The following UGT3A1 variants were observed in gnomAD, a reference collection of about 807,000 sequenced individuals.
UGT3A1 encodes UDP-glycosyltransferase 3A1.
A neutral mutation model predicts 37.6 loss-of-function variants in UGT3A1; 40 were observed. The observed-to-expected ratio is 1.06, with a 90% CI of 0.83 to 1.38. The LOEUF is 1.38. Ranked by LOEUF, UGT3A1 falls within the 40% of genes most tolerant of loss-of-function variation. The pLI is 0.00. For synonymous variants in UGT3A1, 256 were observed against 232.3 expected (o/e 1.10, Z -0.93); for missense variants, 642 against 634.2 (o/e 1.01, Z -0.13).
chr5:35,996,042 G>T (rs1299109995), upstream of UGT3A1, among the ~76,000 whole-genome samples: 2 of 147,472 alleles, frequency 1.4e-5, no homozygotes, highest in Admixed American at 6.7e-5. Context: ...AAAAAAAGGA[G>T]AAATAGAAGA....
At position 35,957,999 on chromosome 5, in the gene UGT3A1, C is replaced by T. The variant is rs115561533; in HGVS notation, c.844-580G>A. Among the ~76,000 whole-genome samples the T allele has an allele frequency of 1.0e-2, 1,521 of 152,268 alleles. 32 individuals are homozygous for T. Among genetic ancestry groups the T allele is most frequent in the African/African-American group, 0.035 (1,450 of 41,540 alleles). On this transcript the variant is annotated intron_variant, in intron 4 of 6. Transcript: ENST00000274278. ...TCCCAAGCTATTGCTGTAGTAATGT[C>T]TATTTCATCCTCAATTCCATCAATT...
intron 2 of UGT3A1, among the ~76,000 whole-genome samples, chr5:35,985,896 A>AAACAGTC (rs1348185358): frequency 6.6e-6 from 1 of 152,190 alleles, no homozygotes; most frequent in African/African-American, 2.4e-5. Flanking sequence ...ACAGCAAAGG[A>AAACAGTC]AACAGTCAAC....
intron 2 of UGT3A1, among the ~76,000 whole-genome samples, chr5:35,980,193 A>G (rs1194915963): frequency 6.6e-6 from 1 of 152,236 alleles, no homozygotes; most frequent in Non-Finnish European, 1.5e-5. Flanking sequence ...AGGAAGTTCA[A>G]TCTGTGGCCA....
At chr5:35,980,514 C>T (rs1021142588) in intron 2 of UGT3A1, among the ~76,000 whole-genome samples, 4 of 152,196 alleles carry the variant, frequency 2.6e-5, no homozygotes, top group African/African-American at 9.7e-5. Flanking sequence ...CAGAGAACAG[C>T]TCAGTACATA....
chr5:35,990,822 C>A, intron 1 of UGT3A1: 2 of 778,638 alleles, frequency 2.6e-6, no homozygotes, highest in South Asian at 4.8e-5. Flanking sequence ...AGTCCCACTG[C>A]GCTCTAGAGA....
At chr5:35,992,342 A>C (rs1334094194), upstream of UGT3A1, among the ~76,000 whole-genome samples, 1 of 152,174 alleles carries the variant, frequency 6.6e-6, no homozygotes, top group Admixed American at 6.5e-5. Flanking sequence ...AGACAGATGC[A>C]CAAACATACA....
chr5:35,997,904 A>AT (rs1456208644), intron 1 of UGT3A1, among the ~76,000 whole-genome samples: 3 of 152,226 alleles, frequency 2.0e-5, no homozygotes, highest in Non-Finnish European at 4.4e-5. Flanking sequence ...AGACTTAAGT[A>AT]TTAGGGGCAT....
intron 4 of UGT3A1, among the ~76,000 whole-genome samples, chr5:35,959,775 A>T (rs903285564): frequency 6.6e-6 from 1 of 152,138 alleles, no homozygotes; most frequent in Non-Finnish European, 1.5e-5. Context: ...GATTCTATAT[A>T]TGTAAAACTT....
At chr5:35,955,537 C>G (rs1739318008) in intron 6 of UGT3A1, 108 bp downstream of exon 6, 1 of 1,269,342 alleles carries the variant, frequency 7.9e-7, no homozygotes, top group Admixed American at 1.9e-5. Context: ...CATGTTATTC[C>G]ATGTCACAGA....
At chr5:35,963,731 A>G (rs1739681854) in intron 4 of UGT3A1, among the ~76,000 whole-genome samples, 3 of 152,164 alleles carry the variant, frequency 2.0e-5, no homozygotes, top group Admixed American at 1.3e-4. Flanking sequence ...TGGGGCCACA[A>G]TGGCAGGCCC....
chr5:35,965,916 T>C lies in UGT3A1; in HGVS notation c.313A>G (p.Lys105Glu), dbSNP rs1298974364. ...AGCTTTACAAGGGCTTCAGATTCTT[T>C]TCTGTAATAAAGAAAATAAATAATA... ...SYIETALDGR[K>E]ESEALVKLME... The change falls in exon 4 of 7, where the codon AAA becomes GAA. Residue 105 changes from lysine (K) to glutamate (E), a missense_variant and splice_region_variant. Coordinates refer to ENST00000274278, the MANE Select transcript of UGT3A1 (RefSeq NM_152404.4). 1 of 1,532,534 alleles carries C rather than the reference T, an allele frequency of 6.5e-7. No homozygotes were observed. The highest frequency in any genetic ancestry group is 1.4e-5 in the African/African-American group (1 of 72,032). 94.9% of individuals were successfully genotyped at this position (1,532,534 alleles called of 1,614,324 possible). A position where few individuals can be genotyped will look rare whatever the true frequency, so the allele number is the denominator to read the frequency against.
chr5:35,992,195 C>T (rs1166829478), upstream of UGT3A1, among the ~76,000 whole-genome samples: 2 of 152,258 alleles, frequency 1.3e-5, no homozygotes, highest in Admixed American at 1.3e-4. Flanking sequence ...ACTATTCTTG[C>T]CTTCAGTCTA....
rs755225759 is a variant in UGT3A1 at position 35,965,425 on chromosome 5, A to G, written c.804T>C (p.Ile268=). The change falls in exon 4 of 7, where the codon ATT becomes ATC. Residue 268 remains isoleucine, a synonymous_variant. Transcript: ENST00000274278. ...TAATAGGTTTTTCCATCAAGCCTCC[A>G]ATATAAACAGTGTTGGGAAGCAGGG... is the stretch of plus-strand genomic sequence containing the variant. The part of the protein sequence containing the change: ...ARPLLPNTVY[I]GGLMEKPIKP... 3.1e-6 allele frequency: 5 copies of G among 1,614,134 alleles called. No individual in the cohort carries two copies. In the East Asian group the frequency reaches 6.7e-5, roughly 22 times the overall value.
Position 35,953,607 on chromosome 5 carries a change from A to C in UGT3A1, c.*595T>G, listed in dbSNP as rs1412108166. The C allele has an allele frequency of 6.6e-6, 1 of 152,490 alleles. No individual in the cohort carries two copies. Among genetic ancestry groups the C allele is most frequent in the African/African-American group, 2.4e-5 (1 of 41,442 alleles). The allele number at this position is 152,490 out of a possible 1,614,324, so 9.4% of individuals were successfully genotyped here. On this transcript the variant is annotated 3_prime_UTR_variant, in exon 7 of 7. Coordinates refer to ENST00000274278, the MANE Select transcript of UGT3A1 (RefSeq NM_152404.4). ...GAATCTTAAGAAGACAACTGTAAAA[A>C]CTGAAATAAAGCAGTATCATCTGTG...
intron 3 of UGT3A1, among the ~76,000 whole-genome samples, chr5:35,966,755 A>G (rs1022404346): frequency 6.6e-6 from 1 of 152,204 alleles, no homozygotes; most frequent in Non-Finnish European, 1.5e-5. Context: ...TCCTAATCAC[A>G]TGAAGAATGG....
At chr5:35,960,083 A>G (rs1416758325) in intron 4 of UGT3A1, among the ~76,000 whole-genome samples, 1 of 152,192 alleles carries the variant, frequency 6.6e-6, no homozygotes, top group Non-Finnish European at 1.5e-5. Flanking sequence ...ATGAATTGGG[A>G]CACTTATTAA....
Position 35,965,253 on chromosome 5 carries a change from A to G in UGT3A1, c.843+133T>C, listed in dbSNP as rs1418498675. On this transcript the variant is annotated intron_variant, in intron 4 of 6. Transcript: ENST00000274278. ...AACCCTGAAAGTCAGCACTTCCTTT[A>G]AGAACGTGCCCTAGGTGCCTCCTTT... The G allele has an allele frequency of 1.4e-5, 19 of 1,366,214 alleles. No homozygotes were observed. The Middle Eastern group carries it at 1.0e-3, about 75-fold the overall frequency. The allele number at this position is 1,366,214 out of a possible 1,614,324, so 84.6% of individuals were successfully genotyped here.
At chr5:35,967,949 C>A (rs1739878171) in intron 3 of UGT3A1, 70 bp downstream of exon 3, 5 of 1,196,442 alleles carry the variant, frequency 4.2e-6, no homozygotes, top group Non-Finnish European at 6.0e-6. Context: ...CTCCAAATAT[C>A]ATGCATCTCT....
At chr5:35,974,131 C>T (rs947420243) in intron 2 of UGT3A1, among the ~76,000 whole-genome samples, 8 of 152,164 alleles carry the variant, frequency 5.3e-5, no homozygotes, top group Non-Finnish European at 7.3e-5. Flanking sequence ...GAAATATATA[C>T]TGTTAATCTT....
Sources: allele counts gnomAD v4.1 joint callset (sites outside exome capture counted in the v4.1 genomes callset), GRCh38; gene constraint gnomAD v4.1.1; transcripts MANE v1.5; gene names NCBI Gene and HGNC (gene_info 2026-07-23, HGNC 2026-07-21).